DOCK9: variants seen among roughly 807,000 people sequenced by gnomAD.
The protein encoded by DOCK9 is dedicator of cytokinesis protein 9.
Under a neutral mutation model 263.3 loss-of-function variants are expected in DOCK9, and 89 were observed. The ratio of observed to expected loss-of-function variants is 0.34; its 90% CI spans 0.28 to 0.40. The LOEUF is 0.40. Among genes scored for constraint, DOCK9 ranks in the 10% least tolerant of loss-of-function variants. The probability of loss-of-function intolerance (pLI) is 1.00; values close to 1 mark genes in which losing one functional copy is unlikely to be tolerated. For synonymous variants in DOCK9, 976 were observed against 973.1 expected (o/e 1.00, Z -0.06); for missense variants, 2,140 against 2,603.4 (o/e 0.82, Z 3.87).
At chr13:98,890,079 C>T (rs1010511958) in intron 15 of DOCK9, among the ~76,000 whole-genome samples, 8 of 152,156 alleles carry the variant, frequency 5.3e-5, no homozygotes, top group Admixed American at 1.3e-4. Context: ...GAAATTTCAT[C>T]GTATTGTGTT....
chr13:98,868,144 T>C, intron 28 of DOCK9, 87 bp downstream of exon 28: 1 of 1,561,178 alleles, frequency 6.4e-7, no homozygotes, highest in Non-Finnish European at 8.8e-7. Flanking sequence ...CCAGAGCACC[T>C]ACTCTATTCT....
chr13:99,034,852 C>G (rs561374852), intron 1 of DOCK9, among the ~76,000 whole-genome samples: 6 of 152,124 alleles, frequency 3.9e-5, no homozygotes, highest in Non-Finnish European at 8.8e-5. Flanking sequence ...AAGGTGGATG[C>G]CAGGAGTTGA....
chr13:98,899,244 G>A (rs1300381001), intron 13 of DOCK9, among the ~76,000 whole-genome samples: 1 of 152,020 alleles, frequency 6.6e-6, no homozygotes, highest in Non-Finnish European at 1.5e-5. Flanking sequence ...GGTGATCTGT[G>A]TGTACCATCA....
intron 39 of DOCK9, among the ~76,000 whole-genome samples, chr13:98,835,103 GTAA>G (rs1396078017): frequency 1.3e-5 from 2 of 152,230 alleles, no homozygotes; most frequent in Non-Finnish European, 2.9e-5. Flanking sequence ...GGAAGCTCAT[GTAA>G]TAATAATACC....
At chr13:99,073,637 G>C (rs2041788894) in intron 1 of DOCK9, among the ~76,000 whole-genome samples, 1 of 152,164 alleles carries the variant, frequency 6.6e-6, no homozygotes, top group Admixed American at 6.5e-5. Context: ...GGGCAGTCCT[G>C]ATCATAAACC....
At chr13:98,795,936 T>C (rs2089330435) in intron 52 of DOCK9, among the ~76,000 whole-genome samples, 1 of 152,024 alleles carries the variant, frequency 6.6e-6, no homozygotes, top group Non-Finnish European at 1.5e-5. Context: ...TTTTGTATTT[T>C]TTAGTAGAGA....
chr13:98,919,205 G>A (rs987051161), intron 7 of DOCK9, among the ~76,000 whole-genome samples: 2 of 151,900 alleles, frequency 1.3e-5, no homozygotes, highest in East Asian at 3.9e-4. Flanking sequence ...CGCCTCCCAG[G>A]TTCAAGTGAT....
At chr13:98,867,117 GA>G in intron 30 of DOCK9, 2 of 464,750 alleles carry the variant, frequency 4.3e-6, no homozygotes, top group South Asian at 3.3e-5. Context: ...TAATTCATAA[GA>G]AAAAAGGAAA....
At chr13:98,942,636 A>G (rs1229658473) in intron 2 of DOCK9, among the ~76,000 whole-genome samples, 4 of 152,248 alleles carry the variant, frequency 2.6e-5, no homozygotes, top group Non-Finnish European at 5.9e-5. Flanking sequence ...AAACATGTCC[A>G]TCACAGTTAC....
intron 27 of DOCK9, among the ~76,000 whole-genome samples, chr13:98,879,280 G>C (rs1256890590): frequency 6.6e-6 from 1 of 152,116 alleles, no homozygotes; most frequent in Non-Finnish European, 1.5e-5. Context: ...AAGCAGGGGG[G>C]ACCCACGGTC....
rs577647039 is a variant in DOCK9, at chr13:98,846,005, C to T, written c.4117G>A (p.Val1373Ile). ...ATCATTCCTGTTCTGTTACGGGAAA[C>T]AGGCAATGTCTGAGACTTTCGATCA... ...VHDRKSQTLP[V>I]SRNRTGMMHA... Residue 1373 changes from valine (V) to isoleucine (I), a missense_variant, in exon 38 of 53, where the codon GTT becomes ATT. Physicochemically the swap from Val to Ile is conservative, Grantham distance 29 (BLOSUM62 3). Transcript: ENST00000682017. 3.4e-5 allele frequency: 55 copies of T among 1,608,934 alleles called. No homozygotes were observed. Among genetic ancestry groups the T allele is most frequent in the Non-Finnish European group, 4.2e-5 (49 of 1,177,724 alleles).
chr13:98,891,827 T>TTG, intron 15 of DOCK9, among the ~76,000 whole-genome samples: 1 of 151,752 alleles, frequency 6.6e-6, no homozygotes, highest in Admixed American at 6.6e-5. Flanking sequence ...TTTTTTTTTT[T>TTG]GCCAGCTTTA....
At position 98,829,875 on chromosome 13, in the gene DOCK9, T is replaced by G. The variant is rs147004330; in HGVS notation, c.4636-119A>C. ...AGCAAAGTGGGGGTTGGGGGGTGCT[T>G]TGAGCAGGGGTCGCTCCGTGTAGGA... is the stretch of plus-strand genomic sequence containing the variant. On this transcript the variant is annotated intron_variant, in intron 41 of 52. Coordinates refer to ENST00000682017, the MANE Select transcript of DOCK9 (RefSeq NM_001366683.2). This position sits in a 1 kb window ranked among gnomAD's most constrained non-coding sequence, Gnocchi z 4.1. 3.1e-3 allele frequency: 2,379 copies of G among 773,202 alleles called. 34 individuals carry two copies. In the African/African-American group the frequency reaches 0.036, roughly 12 times the overall value. The allele number at this position is 773,202 out of a possible 1,614,324, so 47.9% of individuals were successfully genotyped here.
chr13:99,063,863 T>TCA (rs2041302929), intron 1 of DOCK9, among the ~76,000 whole-genome samples: 1 of 152,116 alleles, frequency 6.6e-6, no homozygotes, highest in Non-Finnish European at 1.5e-5. Context: ...ACTCATCTTG[T>TCA]CACAGGTCAG....
rs369386337 is a variant in DOCK9, at chr13:98,894,667, T to C, written c.1709+2821A>G. Among the ~76,000 whole-genome samples the C allele has an allele frequency of 1.5e-3, 232 of 152,090 alleles. 8 individuals are homozygous for C. In the South Asian group the frequency reaches 0.045, roughly 30 times the overall value. ...TTGAAAAAATTAGTAAGAATGAAAT[T>C]TTCTTGAAACTCAAAAAATGACAAT... is the stretch of plus-strand genomic sequence containing the variant. On this transcript the variant is annotated intron_variant, in intron 15 of 52. Coordinates refer to ENST00000682017, the MANE Select transcript of DOCK9 (RefSeq NM_001366683.2).
chr13:98,898,069 T>C (rs2047699076), intron 14 of DOCK9, 110 bp downstream of exon 14: 2 of 763,638 alleles, frequency 2.6e-6, no homozygotes, highest in East Asian at 5.5e-5. Context: ...TATTTCTCAG[T>C]TTTACACATT....
At chr13:98,880,007 C>T (rs767742069) in intron 26 of DOCK9, 38 bp from the exon 27 acceptor site, 1 of 1,496,850 alleles carries the variant, frequency 6.7e-7, no homozygotes, top group Admixed American at 2.0e-5. Context: ...AAGAACACAA[C>T]AAACTGGTAG....
chr13:99,063,508 T>C (rs1566375935), intron 1 of DOCK9, among the ~76,000 whole-genome samples: 2 of 152,276 alleles, frequency 1.3e-5, no homozygotes, highest in East Asian at 3.9e-4. Flanking sequence ...CGGGTGAGCA[T>C]CCATATGCCT....
rs1555298970 is a variant in DOCK9, at chr13:99,038,287, C to CTTTTTTTT, written c.129+47935_129+47936insAAAAAAAA. Among the ~76,000 whole-genome samples, 17 of 48,828 alleles carry CTTTTTTTT rather than the reference C, an allele frequency of 3.5e-4. 1 individual carries two copies. Among genetic ancestry groups the CTTTTTTTT allele is most frequent in the East Asian group, 1.2e-3 (1 of 842 alleles). The allele number at this position is 48,828 out of a possible 152,430, so 32.0% of individuals were successfully genotyped here. ...AGCTGAAAAACTGGCTTTATGCCCC[C>CTTTTTTTT]CTTTTTTTTTTTTTTTTTTTTTTTT... On this transcript the variant is annotated intron_variant, in intron 1 of 32. Transcript: ENST00000427887.
Sources: gnomAD v4.1 joint callset for allele counts (sites outside exome capture counted in the v4.1 genomes callset) on GRCh38, gnomAD v4.1.1 for gene constraint, Gnocchi (gnomAD v3.1) non-coding constraint, MANE v1.5 for transcripts, NCBI Gene and HGNC (gene_info 2026-07-23, HGNC 2026-07-21) for gene names.